The following SNX10 variants were observed in gnomAD, a reference collection of about 807,000 sequenced individuals.
SNX10 encodes sorting nexin-10.
In SNX10, 25 loss-of-function variants were observed where a neutral mutation model predicts 28.5. The ratio of observed to expected loss-of-function variants is 0.88; its 90% confidence interval spans 0.64 to 1.22. The LOEUF (loss-of-function observed/expected upper bound fraction) is 1.22. Ranked by LOEUF, SNX10 falls within the 50% of genes most tolerant of loss-of-function variation. The pLI, the probability that SNX10 is intolerant of heterozygous loss-of-function variation, is 0.00. For missense variants in SNX10, 223 were observed against 242.6 expected (o/e 0.92, Z 0.54); for synonymous variants, 62 against 81.4 (o/e 0.76, Z 1.28).
intron 1 of SNX10, among the ~76,000 whole-genome samples, chr7:26,304,348 C>T (rs1045992735): frequency 6.6e-5 from 10 of 152,238 alleles, no homozygotes; most frequent in Admixed American, 3.3e-4. Flanking sequence ...TGCCCCGAAT[C>T]TCAGGTTGCC....
intron 2 of SNX10, among the ~76,000 whole-genome samples, chr7:26,355,993 A>G (rs1439990278): frequency 6.6e-6 from 1 of 152,258 alleles, no homozygotes; most frequent in Admixed American, 6.5e-5. Flanking sequence ...AATGCCTGCC[A>G]CATGTCAAGT....
At chr7:26,370,579 C>T (rs1789480655) in intron 5 of SNX10, 1 of 152,154 alleles carries the variant, frequency 6.6e-6, no homozygotes. Flanking sequence ...CATTTTTAGG[C>T]ATTTTTGCCT....
In SNX10 at chr7:26,338,577, A is replaced by G. The variant is rs182837233; in HGVS notation, c.-23-7843A>G. Among the ~76,000 whole-genome samples the G allele has an allele frequency of 3.4e-4, 51 of 152,084 alleles. 1 individual carries two copies. The East Asian group carries it at 7.2e-3, about 21-fold the overall frequency. On this transcript the variant is annotated intron_variant, in intron 1 of 6. Coordinates refer to ENST00000338523, the MANE Select transcript of SNX10 (RefSeq NM_013322.3). ...CCACCACACCTGGCTAATTTTTTGT[A>G]TTTTTAGTAGAGACGGGGTTTCACC... is the stretch of plus-strand genomic sequence containing the variant.
intron 5 of SNX10, among the ~76,000 whole-genome samples, chr7:26,367,403 G>A (rs890836952): frequency 6.6e-6 from 1 of 152,160 alleles, no homozygotes; most frequent in Admixed American, 6.5e-5. Flanking sequence ...GAATTGGCAG[G>A]GGGTTCTCTT....
At chr7:26,324,761 G>A (rs6974050) in intron 1 of SNX10, among the ~76,000 whole-genome samples, 1,531 of 152,216 alleles carry the variant, frequency 0.01, 21 homozygotes, top group African/African-American at 0.035. Flanking sequence ...AACCAAGACT[G>A]TCCTGAACAA....
rs1554347699 is a variant in SNX10 at position 26,291,935 on chromosome 7, C to CGGGGAGCGCG, written c.-171_-162dup. On this transcript the variant is annotated 5_prime_UTR_variant, in exon 1 of 7. Coordinates refer to ENST00000338523, the MANE Select transcript of SNX10 (RefSeq NM_013322.3). ...GGGGCCGCTACGTGCGCGGGGAGCG[C>CGGGGAGCGCG]GGGGAGCGCGGGGAGCGCGGGGCTG... 2.1e-5 allele frequency: 3 copies of CGGGGAGCGCG among 145,598 alleles called. No homozygotes were observed. The highest frequency in any genetic ancestry group is 2.0e-4 in the East Asian group (1 of 5,112). 9.0% of individuals were successfully genotyped at this position (145,598 alleles called of 1,614,324 possible).
intron 2 of SNX10, among the ~76,000 whole-genome samples, chr7:26,352,295 G>A (rs1208286244): frequency 6.6e-6 from 1 of 152,118 alleles, no homozygotes; most frequent in Admixed American, 6.6e-5. Context: ...GGGTGTGTTG[G>A]TGCATGCATG....
intron 1 of SNX10, among the ~76,000 whole-genome samples, chr7:26,311,254 A>G (rs1786828781): frequency 6.6e-6 from 1 of 152,200 alleles, no homozygotes; most frequent in Non-Finnish European, 1.5e-5. Context: ...GGGTTCAAGG[A>G]TTCTCATGCC....
intron 1 of SNX10, among the ~76,000 whole-genome samples, chr7:26,332,406 C>G (rs995129293): frequency 1.3e-5 from 2 of 152,204 alleles, no homozygotes; most frequent in Middle Eastern, 3.4e-3. Context: ...GCTCAGGATA[C>G]TTTGCTTGTT....
Position 26,347,730 on chromosome 7 carries a change from G to C in SNX10, c.24+1264G>C, listed in dbSNP as rs569629680. On this transcript the variant is annotated intron_variant, in intron 2 of 6. Coordinates refer to ENST00000338523, the MANE Select transcript of SNX10 (RefSeq NM_013322.3). The stretch of plus-strand genomic sequence containing the variant: ...CTGGGCGTAGTGGCATGCGTCTGTA[G>C]TTCCAGCTACTTGGGAGGCTGAGGC... 8.5e-5 allele frequency among the ~76,000 whole-genome samples: 13 copies of C among 152,190 alleles called. No homozygotes were observed. In the South Asian group the frequency reaches 2.7e-3, roughly 32 times the overall value.
chr7:26,372,490 G>T lies in SNX10; in HGVS notation c.525-1G>T. ...TATTTTCCCCCTCTCTTCTTTTCCA[G>T]TTCATCCTCTGGGCTTGGACACAGT... is the stretch of plus-strand genomic sequence containing the variant. On this transcript the variant is annotated splice_acceptor_variant, in intron 6 of 6. Transcript: ENST00000338523. LOFTEE classifies it high-confidence loss of function. 4 of 1,599,122 alleles carry T rather than the reference G, an allele frequency of 2.5e-6. No individual in the cohort carries two copies. The highest frequency in any genetic ancestry group is 3.4e-6 in the Non-Finnish European group (4 of 1,166,662).
chr7:26,365,628 G>A (rs940313708), intron 5 of SNX10, among the ~76,000 whole-genome samples: 5 of 152,134 alleles, frequency 3.3e-5, no homozygotes, highest in African/African-American at 4.8e-5. Context: ...GTATTTGGTG[G>A]CGTGTGAACA....
chr7:26,350,646 C>T (rs539538749), intron 2 of SNX10, among the ~76,000 whole-genome samples: 1 of 148,944 alleles, frequency 6.7e-6, no homozygotes, highest in South Asian at 2.3e-4. Context: ...TTTGTTGTTC[C>T]TCTCTCCCTC....
intron 6 of SNX10, 128 bp downstream of exon 6, chr7:26,372,161 TTAATTGAC>T (rs1036564089): frequency 1.6e-4 from 53 of 328,748 alleles, no homozygotes; most frequent in East Asian, 1.5e-3. Context: ...AATGAAAAAA[TTAATTGAC>T]TGAGATTTTA....
At chr7:26,371,215 C>T (rs1040777943) in intron 5 of SNX10, among the ~76,000 whole-genome samples, 13 of 152,042 alleles carry the variant, frequency 8.6e-5, no homozygotes, top group Non-Finnish European at 1.5e-4. Flanking sequence ...TTTGGTTGCT[C>T]ATTTTGACAA....
rs759220270 is a variant in SNX10, at chr7:26,360,961, T to C, written c.25-14T>C. The C allele has an allele frequency of 8.1e-6, 13 of 1,612,604 alleles. No homozygotes were observed. In the South Asian group the frequency reaches 1.4e-4, roughly 18 times the overall value. On this transcript the variant is annotated splice_polypyrimidine_tract_variant and intron_variant, in intron 2 of 6. Transcript: ENST00000338523. The stretch of plus-strand genomic sequence containing the variant: ...GTTCTGAAGAATATTTCTTTGTTTA[T>C]GATGCCATTACAGGAATTTGTAAGT...
rs546782230 is a variant in SNX10, at chr7:26,306,876, C to T, written c.-24+14790C>T. ...TTGATCTTTACAGTAGATCATGAAG[C>T]AGGCAGTTATCTCCTCTTACAGATG... On this transcript the variant is annotated intron_variant, in intron 1 of 6. Coordinates refer to ENST00000338523, the MANE Select transcript of SNX10 (RefSeq NM_013322.3). Among the ~76,000 whole-genome samples the T allele has an allele frequency of 3.3e-5, 5 of 152,316 alleles. No individual in the cohort carries two copies. The East Asian group carries it at 9.6e-4, about 29-fold the overall frequency.
At chr7:26,344,054 G>A (rs767756873) in intron 1 of SNX10, among the ~76,000 whole-genome samples, 1 of 151,864 alleles carries the variant, frequency 6.6e-6, no homozygotes, top group African/African-American at 2.4e-5. Flanking sequence ...TCACATTGTT[G>A]TGCCGTTGAT....
intron 1 of SNX10, among the ~76,000 whole-genome samples, chr7:26,315,617 G>A (rs767171914): frequency 5.3e-5 from 8 of 151,814 alleles, no homozygotes; most frequent in Non-Finnish European, 1.0e-4. Context: ...GCAGTGAGCT[G>A]AGGTTTCGCC....
Sources: gnomAD v4.1 joint callset for allele counts (sites outside exome capture counted in the v4.1 genomes callset) on GRCh38, gnomAD v4.1.1 for gene constraint, MANE v1.5 for transcripts, NCBI Gene and HGNC (gene_info 2026-07-23, HGNC 2026-07-21) for gene names.